CLSTN2: variants seen among roughly 807,000 people sequenced by gnomAD.
CLSTN2 encodes calsyntenin-2.
Under a neutral mutation model 101.2 loss-of-function variants are expected in CLSTN2, and 48 were observed. The ratio of observed to expected loss-of-function variants is 0.47; its 90% CI spans 0.38 to 0.60. CLSTN2 has a LOEUF of 0.60. CLSTN2 is among the 20% of genes least tolerant of loss of function. The probability of loss-of-function intolerance (pLI) is 0.00; values close to 1 mark genes in which losing one functional copy is unlikely to be tolerated. For synonymous variants in CLSTN2, 481 were observed against 463.6 expected, an observed-to-expected ratio of 1.04 and a Z score of -0.48; for missense variants, 1,160 against 1,238.2, an observed-to-expected ratio of 0.94 and a Z score of 0.95.
At chr3:140,140,491 G>A (rs2009680206) in intron 1 of CLSTN2, among the ~76,000 whole-genome samples, 1 of 152,060 alleles carries the variant, frequency 6.6e-6, no homozygotes, top group Non-Finnish European at 1.5e-5. Context: ...TGTTAACAAG[G>A]GGAAGGCACG....
chr3:140,473,744 G>GTTT (rs34435215), intron 8 of CLSTN2, among the ~76,000 whole-genome samples: 75 of 149,150 alleles, frequency 5.0e-4, no homozygotes, highest in Admixed American at 8.7e-4. Flanking sequence ...GGTTTTTTGT[G>GTTT]TTTTTTTTTT....
At chr3:140,279,877 G>A (rs1380204655) in intron 2 of CLSTN2, among the ~76,000 whole-genome samples, 3 of 152,190 alleles carry the variant, frequency 2.0e-5, no homozygotes, top group Non-Finnish European at 2.9e-5. Context: ...ACACCCATTG[G>A]CATCCACTTG....
At position 140,566,083 on chromosome 3, in the gene CLSTN2, G is replaced by A; in HGVS notation, c.2698G>A (p.Glu900Lys). 6.2e-7 allele frequency: 1 copy of A among 1,613,592 alleles called. No homozygotes were observed. Among genetic ancestry groups the A allele is most frequent in the Non-Finnish European group, 8.5e-7 (1 of 1,179,530 alleles). ...KHEGPGHGEDETEGEEEEEAE... is the reference protein window; with the variant it reads ...KHEGPGHGEDKTEGEEEEEAE... ...TGAAGGACCAGGGCATGGGGAAGAT[G>A]AGACTGAGGGAGAAGAGGAGGAAGA... is the stretch of plus-strand genomic sequence containing the variant. The change falls in exon 17 of 17, where the codon GAG becomes AAG. Residue 900 changes from glutamate (E) to lysine (K), a missense_variant. Transcript: ENST00000458420.
chr3:140,215,946 T>A (rs182704159), intron 2 of CLSTN2, among the ~76,000 whole-genome samples: 320 of 152,188 alleles, frequency 2.1e-3, no homozygotes, highest in Non-Finnish European at 3.6e-3. Flanking sequence ...ACAGAGGGAA[T>A]TAGAGCAGGG....
At chr3:140,562,432 TC>T in intron 13 of CLSTN2, 124 bp downstream of exon 13, 1 of 957,794 alleles carries the variant, frequency 1.0e-6, no homozygotes, top group Non-Finnish European at 1.5e-6. Flanking sequence ...CAGTTGGAGA[TC>T]CTTGGCCTCA....
chr3:140,306,848 T>TTTATTATTA (rs57111372), intron 2 of CLSTN2, among the ~76,000 whole-genome samples: 7,316 of 141,894 alleles, frequency 0.052, 248 homozygotes, highest in East Asian at 0.16. Flanking sequence ...TTTTTGTCTT[T>TTTATTATTA]TTATTATTAT....
chr3:140,271,234 T>C (rs2086738777), intron 2 of CLSTN2, among the ~76,000 whole-genome samples: 1 of 152,120 alleles, frequency 6.6e-6, no homozygotes, highest in Admixed American at 6.6e-5. Flanking sequence ...ACACATGAGA[T>C]GGCAGAAGCC....
chr3:140,358,575 G>T lies in CLSTN2; in HGVS notation c.233-45054G>T, dbSNP rs191817062. Among the ~76,000 whole-genome samples the T allele has an allele frequency of 1.1e-4, 17 of 152,146 alleles. No homozygotes were observed. In the East Asian group the frequency reaches 3.1e-3, roughly 28 times the overall value. On this transcript the variant is annotated intron_variant, in intron 2 of 16. Transcript: ENST00000458420. ...TGATTAGAGACCATGACCCTTTCTT[G>T]GGTCATATCTTGCATATTTGAATCT...
At chr3:140,466,475 T>C in intron 7 of CLSTN2, 135 bp from the exon 8 acceptor site, 1 of 973,328 alleles carries the variant, frequency 1.0e-6, no homozygotes, top group South Asian at 1.5e-5. Flanking sequence ...CATCAGAGCC[T>C]GTTGTAAATG....
At chr3:140,366,984 T>C (rs2087799023) in intron 2 of CLSTN2, among the ~76,000 whole-genome samples, 1 of 152,070 alleles carries the variant, frequency 6.6e-6, no homozygotes, top group Non-Finnish European at 1.5e-5. Context: ...CAGGTGGACT[T>C]AGAAGGTGGG....
intron 1 of CLSTN2, among the ~76,000 whole-genome samples, chr3:139,966,076 G>A (rs1019761640): frequency 6.6e-6 from 1 of 152,142 alleles, no homozygotes; most frequent in Non-Finnish European, 1.5e-5. Context: ...GGTGCTCTGG[G>A]TTCTGACTTA....
Position 140,576,200 on chromosome 3 carries a change from G to A in CLSTN2, c.*9947G>A, listed in dbSNP as rs2107800906. On this transcript the variant is annotated 3_prime_UTR_variant, in exon 17 of 17. Coordinates refer to ENST00000458420, the MANE Select transcript of CLSTN2 (RefSeq NM_022131.3). ...AATATTCAGCCAGCCGCAGACACAA[G>A]GTCTGGCTCCCTTGTCGTGAGAGTG... 1 of 152,308 alleles carries A rather than the reference G, an allele frequency of 6.6e-6. No individual in the cohort carries two copies. The highest frequency in any genetic ancestry group is 6.5e-5 in the Admixed American group (1 of 15,290). The allele number at this position is 152,308 out of a possible 1,614,324, so 9.4% of individuals were successfully genotyped here. A position where few individuals can be genotyped will look rare whatever the true frequency, so the allele number is the denominator to read the frequency against.
chr3:140,271,397 A>G (rs1216856706), intron 2 of CLSTN2, among the ~76,000 whole-genome samples: 1 of 152,180 alleles, frequency 6.6e-6, no homozygotes, highest in East Asian at 1.9e-4. Flanking sequence ...GAACACTGGG[A>G]TTACCCCAGT....
intron 6 of CLSTN2, among the ~76,000 whole-genome samples, chr3:140,456,865 A>C (rs1933413216): frequency 6.6e-6 from 1 of 152,174 alleles, no homozygotes; most frequent in Non-Finnish European, 1.5e-5. Flanking sequence ...AATAACCCTG[A>C]CCAGCACTGG....
At chr3:140,489,383 T>C (rs921941961) in intron 8 of CLSTN2, among the ~76,000 whole-genome samples, 1 of 152,208 alleles carries the variant, frequency 6.6e-6, no homozygotes, top group African/African-American at 2.4e-5. Context: ...AAACAGCATG[T>C]GTTGAGGGCT....
At chr3:140,205,779 C>T (rs1050066848) in intron 2 of CLSTN2, among the ~76,000 whole-genome samples, 1 of 152,180 alleles carries the variant, frequency 6.6e-6, no homozygotes, top group Non-Finnish European at 1.5e-5. Flanking sequence ...GGCGATAAGG[C>T]AGGGTTGCTG....
chr3:140,425,974 G>A (rs1188464608), intron 5 of CLSTN2, among the ~76,000 whole-genome samples: 1 of 152,206 alleles, frequency 6.6e-6, no homozygotes, highest in African/African-American at 2.4e-5. Flanking sequence ...AGAACTCACA[G>A]TGTGCTTAGA....
At chr3:140,455,748 C>T (rs562636973) in intron 6 of CLSTN2, among the ~76,000 whole-genome samples, 21 of 152,316 alleles carry the variant, frequency 1.4e-4, no homozygotes, top group African/African-American at 5.1e-4. Context: ...CCCAAGGGAT[C>T]CCTGGGGAGA....
intron 1 of CLSTN2, among the ~76,000 whole-genome samples, chr3:140,062,752 G>C (rs1254633662): frequency 1.3e-5 from 2 of 152,066 alleles, no homozygotes; most frequent in South Asian, 2.1e-4. Context: ...TTGGGTTCTT[G>C]TCCCAGCTCT....
Sources: allele counts gnomAD v4.1 joint callset (sites outside exome capture counted in the v4.1 genomes callset), GRCh38; gene constraint gnomAD v4.1.1; transcripts MANE v1.5; gene names NCBI Gene and HGNC (gene_info 2026-07-23, HGNC 2026-07-21).